The following IMPA1 variants were observed in gnomAD, a reference collection of about 807,000 sequenced individuals.
IMPA1 encodes the protein D-galactose 1-phosphate phosphatase.
In IMPA1, 21 loss-of-function variants were observed where a neutral mutation model predicts 34.9. That is an observed-to-expected ratio of 0.60 (90% CI 0.43 to 0.87). IMPA1 has a LOEUF of 0.87. IMPA1 is among the 40% of genes least tolerant of loss of function. The pLI is 0.00. For synonymous variants in IMPA1, 95 were observed against 104.4 expected, an observed-to-expected ratio of 0.91 and a Z score of 0.55; for missense variants, 299 against 336.4, an observed-to-expected ratio of 0.89 and a Z score of 0.87.
chr8:81,670,911 A>C, intron 7 of IMPA1, 28 bp downstream of exon 7: 3 of 1,159,132 alleles, frequency 2.6e-6, no homozygotes, highest in Non-Finnish European at 3.7e-6. Flanking sequence ...ATACAAAGAG[A>C]GAGATAGAAT....
chr8:81,685,973 G>C, intron 1 of IMPA1: 1 of 1,474,490 alleles, frequency 6.8e-7, no homozygotes, highest in Non-Finnish European at 9.0e-7. Context: ...GCTTTTCGGA[G>C]TTGGGGACAT....
At chr8:81,680,199 C>T (rs1406886015) in intron 3 of IMPA1, among the ~76,000 whole-genome samples, 1 of 151,888 alleles carries the variant, frequency 6.6e-6, no homozygotes, top group East Asian at 1.9e-4. Flanking sequence ...GCCTAATATT[C>T]CTTCCTTGAG....
At chr8:81,685,485 T>C (rs1449328368) in intron 1 of IMPA1, among the ~76,000 whole-genome samples, 1 of 143,648 alleles carries the variant, frequency 7.0e-6, no homozygotes, top group African/African-American at 2.5e-5. Context: ...TATATTTCTG[T>C]ACTATATATA....
chr8:81,661,472 C>T (rs747254050), intron 7 of IMPA1, among the ~76,000 whole-genome samples: 10 of 152,206 alleles, frequency 6.6e-5, no homozygotes, highest in Admixed American at 1.3e-4. Context: ...ATTACTTTTG[C>T]GGCATTCCTG....
Position 81,659,294 on chromosome 8 carries a change from T to G in IMPA1, c.*57A>C, listed in dbSNP as rs1806596607. The stretch of plus-strand genomic sequence containing the variant: ...TCATACATCCAAAACACATATCCAT[T>G]GATGAGTCACCAAATCTGGGGAAAA... On this transcript the variant is annotated 3_prime_UTR_variant, in exon 9 of 9. Transcript: ENST00000256108. 4 of 923,728 alleles carry G rather than the reference T, an allele frequency of 4.3e-6. No individual in the cohort carries two copies. The highest frequency in any genetic ancestry group is 7.3e-6 in the Non-Finnish European group (4 of 550,880). 57.2% of individuals were successfully genotyped at this position (923,728 alleles called of 1,614,324 possible).
At chr8:81,676,142 G>C in intron 5 of IMPA1, 92 bp downstream of exon 5, 1 of 522,244 alleles carries the variant, frequency 1.9e-6, no homozygotes, top group Non-Finnish European at 3.2e-6. Context: ...CAAATATACA[G>C]ACAAACCTGA....
At position 81,684,502 on chromosome 8, in the gene IMPA1, A is replaced by C. The variant is rs200979520; in HGVS notation, c.-25+1750T>G. Among the ~76,000 whole-genome samples the C allele has an allele frequency of 3.5e-3, 364 of 104,900 alleles. 1 individual carries two copies. The highest frequency in any genetic ancestry group is 0.023 in the East Asian group (35 of 1,498). The allele number at this position is 104,900 out of a possible 152,430, so 68.8% of individuals were successfully genotyped here. A position where few individuals can be genotyped will look rare whatever the true frequency, so the allele number is the denominator to read the frequency against. ...TTAGATACTACAGTATACTACACAT[A>C]AGTATCTTTAGATACTATGTGTAGT... On this transcript the variant is annotated intron_variant, in intron 1 of 8. Transcript: ENST00000256108.
chr8:81,681,346 C>T, intron 2 of IMPA1, 152 bp downstream of exon 2: 1 of 596,196 alleles, frequency 1.7e-6, no homozygotes, highest in East Asian at 3.0e-5. Context: ...CTGGAGTGAG[C>T]CATGTTCCTG....
At chr8:81,670,384 C>A (rs1321267179) in intron 7 of IMPA1, among the ~76,000 whole-genome samples, 1 of 150,564 alleles carries the variant, frequency 6.6e-6, no homozygotes, top group African/African-American at 2.4e-5. Context: ...GGAAACAAAC[C>A]AAAAGAAAGC....
At chr8:81,667,054 G>C (rs1220110745) in intron 7 of IMPA1, among the ~76,000 whole-genome samples, 3 of 151,962 alleles carry the variant, frequency 2.0e-5, no homozygotes, top group Admixed American at 6.6e-5. Flanking sequence ...GTTGCAAGGA[G>C]AAATACAGAG....
rs1003884350 is a variant in IMPA1 at position 81,657,883 on chromosome 8, C to A, written c.*1468G>T. 2 of 151,498 alleles carry A rather than the reference C, an allele frequency of 1.3e-5. No homozygotes were observed. Among genetic ancestry groups the A allele is most frequent in the Admixed American group, 1.3e-4 (2 of 15,176 alleles). 9.4% of individuals were successfully genotyped at this position (151,498 alleles called of 1,614,324 possible). A position where few individuals can be genotyped will look rare whatever the true frequency, so the allele number is the denominator to read the frequency against. On this transcript the variant is annotated 3_prime_UTR_variant, in exon 9 of 9. Coordinates refer to ENST00000256108, the MANE Select transcript of IMPA1 (RefSeq NM_005536.4). ...GCACCACAGCACAGTCAGAGACAGA[C>A]CCTGGGCAACAGAGCGAGACCCTGA...
intron 4 of IMPA1, among the ~76,000 whole-genome samples, chr8:81,676,894 T>G (rs1204086373): frequency 2.6e-5 from 4 of 151,984 alleles, no homozygotes; most frequent in Non-Finnish European, 5.9e-5. Flanking sequence ...CCCGGTAGGC[T>G]GAGGCAGAAG....
At position 81,672,744 on chromosome 8, in the gene IMPA1, G is replaced by A. The variant is rs117428424; in HGVS notation, c.457+1097C>T. Among the ~76,000 whole-genome samples the A allele has an allele frequency of 5.1e-3, 780 of 152,260 alleles. 5 individuals are homozygous for A. Among genetic ancestry groups the A allele is most frequent in the Non-Finnish European group, 9.7e-3 (663 of 68,012 alleles). ...TTTTGAGGCCAACAGATGTAATAGA[G>A]AAGAAAGAACTTAAATTGCCATTCA... On this transcript the variant is annotated intron_variant, in intron 6 of 8. Coordinates refer to ENST00000256108, the MANE Select transcript of IMPA1 (RefSeq NM_005536.4).
rs73283084 is a variant in IMPA1 at position 81,672,667 on chromosome 8, C to T, written c.457+1174G>A. On this transcript the variant is annotated intron_variant, in intron 6 of 8. Coordinates refer to ENST00000256108, the MANE Select transcript of IMPA1 (RefSeq NM_005536.4). ...TAGAAGTGTGTCCTGGGCTGCAGTCCTCAACTTTGGCCCAAATAAACTCTC... is the reference window on the plus strand; with the variant it reads ...TAGAAGTGTGTCCTGGGCTGCAGTCTTCAACTTTGGCCCAAATAAACTCTC... Among the ~76,000 whole-genome samples the T allele has an allele frequency of 7.2e-3, 1,099 of 152,306 alleles. 10 individuals are homozygous for T. Among genetic ancestry groups the T allele is most frequent in the African/African-American group, 0.025 (1,041 of 41,540 alleles).
intron 3 of IMPA1, among the ~76,000 whole-genome samples, chr8:81,679,964 G>A (rs1385288670): frequency 9.2e-5 from 14 of 151,526 alleles, no homozygotes; most frequent in East Asian, 3.9e-4. Context: ...GTGAAACCCC[G>A]TCTCTATTAA....
At chr8:81,666,690 A>G (rs2300493) in intron 7 of IMPA1, among the ~76,000 whole-genome samples, 19,098 of 151,990 alleles carry the variant, frequency 0.13, 2,056 homozygotes, top group East Asian at 0.57. Flanking sequence ...CCTGGCCAAC[A>G]TGGCGAAACC....
intron 7 of IMPA1, among the ~76,000 whole-genome samples, chr8:81,670,085 A>C (rs1806944240): frequency 6.6e-6 from 1 of 152,244 alleles, no homozygotes; most frequent in Non-Finnish European, 1.5e-5. Context: ...AACTGAAAGA[A>C]ATAAATTCCT....
At chr8:81,686,017 A>G in intron 1 of IMPA1, 2 of 1,378,232 alleles carry the variant, frequency 1.5e-6, no homozygotes, top group Non-Finnish European at 1.9e-6. Flanking sequence ...AAGCCGCCAC[A>G]GAGGTTAAGT....
intron 8 of IMPA1, among the ~76,000 whole-genome samples, chr8:81,660,246 T>C (rs1009086084): frequency 6.6e-6 from 1 of 152,208 alleles, no homozygotes; most frequent in Non-Finnish European, 1.5e-5. Context: ...TGGACAAACT[T>C]GGTCTAGGCT....
Sources: gnomAD v4.1 joint callset for allele counts (sites outside exome capture counted in the v4.1 genomes callset) on GRCh38, gnomAD v4.1.1 for gene constraint, MANE v1.5 for transcripts, NCBI Gene and HGNC (gene_info 2026-07-23, HGNC 2026-07-21) for gene names.